Variants in DMXL1 observed in about 807,000 individuals in gnomAD.
DMXL1 encodes Dmx like 1, also known as dmX-like protein 1.
In DMXL1, 99 loss-of-function variants were observed where a neutral mutation model predicts 319.2. That is an observed-to-expected ratio of 0.31 (90% confidence interval 0.26 to 0.37). The LOEUF is 0.37. Ranked by LOEUF, DMXL1 falls within the 10% of genes least tolerant of loss-of-function variation. The probability of loss-of-function intolerance (pLI) is 1.00; values close to 1 mark genes in which losing one functional copy is unlikely to be tolerated. For synonymous variants in DMXL1, 1,385 were observed against 1,235.2 expected, an observed-to-expected ratio of 1.12 and a Z score of -2.54; for missense variants, 3,745 against 3,595.6, an observed-to-expected ratio of 1.04 and a Z score of -1.06.
intron 29 of DMXL1, among the ~76,000 whole-genome samples, chr5:119,193,570 G>A (rs180780120): frequency 2.1e-4 from 32 of 152,206 alleles, no homozygotes; most frequent in Admixed American, 2.0e-3. Context: ...GGTGGTGATT[G>A]TATCTGTCTT....
intron 28 of DMXL1, among the ~76,000 whole-genome samples, chr5:119,186,208 T>C (rs150162402): frequency 6.6e-6 from 1 of 152,222 alleles, no homozygotes; most frequent in Admixed American, 6.5e-5. Context: ...TCTGTGGATA[T>C]GGGTGCCTTA....
rs182300144 is a variant in DMXL1, at chr5:119,198,241, G to A, written c.7745+285G>A. ...TGACCTCAGGTGATCCACCTGCCTC[G>A]GCCTCCCAAAGTGCTGGGATTACAG... On this transcript the variant is annotated intron_variant, in intron 32 of 43. Transcript: ENST00000539542. 4.0e-3 allele frequency among the ~76,000 whole-genome samples: 603 copies of A among 152,126 alleles called. 10 individuals carry two copies. The highest frequency in any genetic ancestry group is 0.026 in the South Asian group (127 of 4,810).
chr5:119,183,383 A>G (rs1047660912), intron 28 of DMXL1, among the ~76,000 whole-genome samples: 1 of 152,274 alleles, frequency 6.6e-6, no homozygotes, highest in Non-Finnish European at 1.5e-5. Flanking sequence ...ATAATTGAAT[A>G]TGCCAAACAT....
At chr5:119,173,754 G>GTATATATA (rs1192629133) in intron 25 of DMXL1, among the ~76,000 whole-genome samples, 4 of 77,958 alleles carry the variant, frequency 5.1e-5, no homozygotes, top group Non-Finnish European at 1.1e-4. Flanking sequence ...ATATGTGTGT[G>GTATATATA]TATATATATA....
chr5:119,173,696 GTGTATATATATA>G (rs1561794762), intron 25 of DMXL1, among the ~76,000 whole-genome samples: 2 of 141,298 alleles, frequency 1.4e-5, no homozygotes, highest in Admixed American at 7.2e-5. Flanking sequence ...GTGTGTGTGT[GTGTATATATATA>G]TGTGTGTGTG....
intron 5 of DMXL1, among the ~76,000 whole-genome samples, chr5:119,111,060 A>G (rs1759478740): frequency 6.6e-6 from 1 of 152,228 alleles, no homozygotes; most frequent in South Asian, 2.1e-4. Context: ...AAGTGCTGGC[A>G]TTACAGGTGT....
At chr5:119,238,903 A>T in intron 40 of DMXL1, 86 bp from the exon 41 acceptor site, 1 of 1,547,364 alleles carries the variant, frequency 6.5e-7, no homozygotes, top group Non-Finnish European at 8.7e-7. Flanking sequence ...GCCAGAAACT[A>T]CATGATCACT....
At chr5:119,108,331 T>C (rs1758807397) in intron 4 of DMXL1, among the ~76,000 whole-genome samples, 1 of 152,252 alleles carries the variant, frequency 6.6e-6, no homozygotes, top group Non-Finnish European at 1.5e-5. Flanking sequence ...TAGCACGGCC[T>C]TCTACTTAAT....
intron 9 of DMXL1, among the ~76,000 whole-genome samples, chr5:119,124,697 C>T (rs1430475933): frequency 2.6e-5 from 4 of 151,202 alleles, no homozygotes; most frequent in African/African-American, 9.7e-5. Context: ...TCCTGAGTAG[C>T]TGGGATTACA....
In DMXL1 at chr5:119,247,271, G is replaced by T; in HGVS notation, c.*52G>T. 2.4e-6 allele frequency: 3 copies of T among 1,265,276 alleles called. No individual in the cohort carries two copies. The highest frequency in any genetic ancestry group is 1.9e-4 in the Middle Eastern group (1 of 5,144). The allele number at this position is 1,265,276 out of a possible 1,614,324, so 78.4% of individuals were successfully genotyped here. On this transcript the variant is annotated 3_prime_UTR_variant, in exon 44 of 44. Coordinates refer to ENST00000539542, the MANE Select transcript of DMXL1 (RefSeq NM_001290321.3). Reference sequence around the variant, plus strand: ...ATTACCTATATGGAAGTGGCCAACAGATATAATATACAGTGATCATTCTCT... The same window carrying T: ...ATTACCTATATGGAAGTGGCCAACATATATAATATACAGTGATCATTCTCT...
chr5:119,244,327 G>A, intron 42 of DMXL1, 32 bp from the exon 43 acceptor site: 2 of 1,531,910 alleles, frequency 1.3e-6, no homozygotes, highest in Non-Finnish European at 1.8e-6. Flanking sequence ...TTATTGTTAA[G>A]TGTTTTTGTT....
intron 3 of DMXL1, 180 bp downstream of exon 3, chr5:119,102,186 A>G (rs1460258257): frequency 1.2e-5 from 5 of 424,080 alleles, no homozygotes; most frequent in Non-Finnish European, 2.1e-5. Context: ...TAGAACTAAA[A>G]TAAATTGTGC....
chr5:119,224,680 C>T, intron 37 of DMXL1, 29 bp from the exon 38 acceptor site: 2 of 818,418 alleles, frequency 2.4e-6, no homozygotes, highest in Non-Finnish European at 3.7e-6. Context: ...TTTTATTATG[C>T]CTATAAAATA....
intron 30 of DMXL1, 58 bp downstream of exon 30, chr5:119,194,028 T>A: frequency 8.0e-7 from 1 of 1,252,294 alleles, no homozygotes; most frequent in Non-Finnish European, 1.1e-6. Flanking sequence ...ATAAATAATA[T>A]TTTTGAAAAA....
At chr5:119,188,160 G>T (rs542343902) in intron 28 of DMXL1, among the ~76,000 whole-genome samples, 1 of 151,920 alleles carries the variant, frequency 6.6e-6, no homozygotes, top group Non-Finnish European at 1.5e-5. Flanking sequence ...AAGAAAAAAA[G>T]AAAACTATTT....
intron 5 of DMXL1, among the ~76,000 whole-genome samples, chr5:119,110,696 A>T (rs1302419146): frequency 6.6e-6 from 1 of 152,238 alleles, no homozygotes; most frequent in African/African-American, 2.4e-5. Context: ...ACTTAAAAGG[A>T]CAAATATGGG....
intron 40 of DMXL1, among the ~76,000 whole-genome samples, chr5:119,237,716 A>G (rs1788010977): frequency 6.6e-6 from 1 of 152,020 alleles, no homozygotes; most frequent in Non-Finnish European, 1.5e-5. Context: ...TGGTTATTAT[A>G]TTATGCCTAA....
intron 13 of DMXL1, among the ~76,000 whole-genome samples, chr5:119,141,592 TAAATC>T (rs1195973908): frequency 3.3e-5 from 5 of 152,048 alleles, no homozygotes; most frequent in Non-Finnish European, 5.9e-5. Flanking sequence ...ATTGCTCAGA[TAAATC>T]AGAGAAGACA....
At chr5:119,147,080 T>G (rs1376348735) in intron 16 of DMXL1, 124 bp downstream of exon 16, 2 of 1,192,306 alleles carry the variant, frequency 1.7e-6, no homozygotes, top group African/African-American at 3.1e-5. Flanking sequence ...AACTGTAGAT[T>G]ATTCAATTAA....
Sources: gnomAD v4.1 joint callset for allele counts (sites outside exome capture counted in the v4.1 genomes callset) on GRCh38, gnomAD v4.1.1 for gene constraint, MANE v1.5 for transcripts, NCBI Gene and HGNC (gene_info 2026-07-23, HGNC 2026-07-21) for gene names.